Variants in SLC4A5 observed in about 807,000 individuals in gnomAD.
SLC4A5 encodes electrogenic sodium bicarbonate cotransporter 4.
SLC4A5 carries 96 observed loss-of-function variants against 120.4 expected under a neutral mutation model. The observed-to-expected ratio is 0.80, with a 90% CI of 0.68 to 0.94. The LOEUF (loss-of-function observed/expected upper bound fraction) is 0.94. Ranked by LOEUF, SLC4A5 falls within the 40% of genes least tolerant of loss-of-function variation. SLC4A5 has a pLI of 0.00. For missense variants in SLC4A5, 1,259 were observed against 1,459.5 expected (o/e 0.86, Z 2.24); for synonymous variants, 550 against 571.1 (o/e 0.96, Z 0.53).
chr2:74,305,191 T>C (rs1389483902), intron 6 of SLC4A5, among the ~76,000 whole-genome samples: 1 of 152,160 alleles, frequency 6.6e-6, no homozygotes, highest in African/African-American at 2.4e-5. Flanking sequence ...GAACTAAAGT[T>C]ACCAAGAGCC....
intron 8 of SLC4A5, among the ~76,000 whole-genome samples, chr2:74,277,413 G>T (rs1181698756): frequency 6.6e-6 from 1 of 152,196 alleles, no homozygotes; most frequent in Non-Finnish European, 1.5e-5. Context: ...GTCAGGCATG[G>T]TGGTGGGCGC....
chr2:74,261,407 G>T (rs1671131132), intron 11 of SLC4A5, among the ~76,000 whole-genome samples: 1 of 152,242 alleles, frequency 6.6e-6, no homozygotes, highest in South Asian at 2.1e-4. Context: ...AAGGCCACAG[G>T]CAGGGGCTGC....
In SLC4A5 at chr2:74,264,282, G is replaced by A; in HGVS notation, c.580C>T (p.Gln194Ter). Residue 194 changes from glutamine (Q) to a stop codon, truncating the protein, a stop_gained, in exon 10 of 31, where the codon CAG becomes TAG. Transcript: ENST00000394019. LOFTEE classifies it high-confidence loss of function. ...GGCCGCAGGAGACCATCCTCAATCT[G>A]CTTCTCAATGACATCATCTGTGTGG... 6.2e-7 allele frequency: 1 copy of A among 1,613,984 alleles called. No individual in the cohort carries two copies. Among genetic ancestry groups the A allele is most frequent in the Non-Finnish European group, 8.5e-7 (1 of 1,179,904 alleles).
rs374124010 is a variant in SLC4A5, at chr2:74,220,707, A to G, written c.*33+727T>C. Among the ~76,000 whole-genome samples, 195 of 149,282 alleles carry G rather than the reference A, an allele frequency of 1.3e-3. 5 individuals are homozygous for G. Among genetic ancestry groups the G allele is most frequent in the East Asian group, 4.6e-3 (23 of 5,040 alleles). Reference sequence around the variant, plus strand: ...AATTTTTTGTATTTTTAGTAGAGACAGGGTTTCACCATGTTAGCCAGGATG... The same window carrying G: ...AATTTTTTGTATTTTTAGTAGAGACGGGGTTTCACCATGTTAGCCAGGATG... On this transcript the variant is annotated intron_variant, in intron 30 of 30. Transcript: ENST00000394019.
intron 3 of SLC4A5, among the ~76,000 whole-genome samples, chr2:74,336,857 C>T (rs1673502686): frequency 6.6e-6 from 1 of 152,226 alleles, no homozygotes; most frequent in Admixed American, 6.5e-5. Context: ...TCTCTCCCTT[C>T]CCTGCCTCAA....
intron 10 of SLC4A5, among the ~76,000 whole-genome samples, chr2:74,263,139 A>C (rs1474960035): frequency 6.6e-6 from 1 of 152,216 alleles, no homozygotes; most frequent in Non-Finnish European, 1.5e-5. Context: ...TCCTGGGTTC[A>C]AGCGATCCTC....
chr2:74,233,367 AG>A (rs1423024442), intron 23 of SLC4A5, 34 bp downstream of exon 23: 2 of 1,611,350 alleles, frequency 1.2e-6, no homozygotes, highest in African/African-American at 2.7e-5. Flanking sequence ...GTGGGAAGAA[AG>A]AGGTTATGCC....
intron 30 of SLC4A5, among the ~76,000 whole-genome samples, chr2:74,219,152 T>C (rs958160791): frequency 6.6e-6 from 1 of 151,262 alleles, no homozygotes; most frequent in Non-Finnish European, 1.5e-5. Flanking sequence ...GCCCCATCCA[T>C]TGCAGTGTTC....
intron 11 of SLC4A5, among the ~76,000 whole-genome samples, chr2:74,260,944 T>C (rs1671115211): frequency 6.6e-6 from 1 of 152,220 alleles, no homozygotes; most frequent in African/African-American, 2.4e-5. Flanking sequence ...TTTATTTTCA[T>C]AGCTCCAGCT....
intron 8 of SLC4A5, among the ~76,000 whole-genome samples, chr2:74,272,596 G>A (rs549710975): frequency 6.6e-6 from 1 of 152,196 alleles, no homozygotes; most frequent in African/African-American, 2.4e-5. Flanking sequence ...CCAAGCTTGG[G>A]TGTAGACCCC....
At chr2:74,276,911 G>A (rs908931688) in intron 8 of SLC4A5, among the ~76,000 whole-genome samples, 1 of 152,004 alleles carries the variant, frequency 6.6e-6, no homozygotes, top group Non-Finnish European at 1.5e-5. Flanking sequence ...CAAAGGCAGG[G>A]ACAAGCAGAA....
At chr2:74,249,654 G>C (rs1400250731) in intron 17 of SLC4A5, among the ~76,000 whole-genome samples, 1 of 152,200 alleles carries the variant, frequency 6.6e-6, no homozygotes, top group Admixed American at 6.5e-5. Context: ...CTGTGCTGGG[G>C]AAGGGCAGGG....
Position 74,255,635 on chromosome 2 carries a change from G to A in SLC4A5, c.1025+140C>T, listed in dbSNP as rs1670940161. 1 of 987,400 alleles carries A rather than the reference G, an allele frequency of 1.0e-6. No homozygotes were observed. Among genetic ancestry groups the A allele is most frequent in the East Asian group, 2.6e-5 (1 of 37,792 alleles). 61.2% of individuals were successfully genotyped at this position (987,400 alleles called of 1,614,324 possible). The stretch of plus-strand genomic sequence containing the variant: ...TAATAAACTCTAAAACTCTTCCCTA[G>A]TCAGAAGATTTCCCTTCCCAGCAGC... On this transcript the variant is annotated intron_variant, in intron 13 of 30. Transcript: ENST00000394019. The surrounding 1 kb of genome is among the most constrained non-coding windows in gnomAD (Gnocchi z 4.0).
At chr2:74,246,335 G>A (rs1044211910) in intron 19 of SLC4A5, among the ~76,000 whole-genome samples, 4 of 152,168 alleles carry the variant, frequency 2.6e-5, no homozygotes, top group Admixed American at 2.0e-4. Context: ...GGTGGTTAAC[G>A]CCCACCATTG....
At chr2:74,293,975 A>G (rs1208172021) in intron 7 of SLC4A5, among the ~76,000 whole-genome samples, 1 of 152,226 alleles carries the variant, frequency 6.6e-6, no homozygotes, top group Non-Finnish European at 1.5e-5. Context: ...AAAAAAAGGC[A>G]GGGCAGGCCT....
intron 8 of SLC4A5, among the ~76,000 whole-genome samples, chr2:74,269,614 T>C (rs559536152): frequency 6.6e-6 from 1 of 152,226 alleles, no homozygotes; most frequent in East Asian, 1.9e-4. Flanking sequence ...TTTATTGTTT[T>C]TTTTTTCTCA....
At chr2:74,249,499 GC>G (rs1670724086) in intron 17 of SLC4A5, among the ~76,000 whole-genome samples, 1 of 152,196 alleles carries the variant, frequency 6.6e-6, no homozygotes, top group Non-Finnish European at 1.5e-5. Context: ...GGGTAGGAAT[GC>G]TGAGAAAGAG....
intron 5 of SLC4A5, among the ~76,000 whole-genome samples, chr2:74,319,146 G>A (rs2104309833): frequency 6.6e-6 from 1 of 152,236 alleles, no homozygotes; most frequent in East Asian, 1.9e-4. Flanking sequence ...TCACTTATAA[G>A]TGGGAGCTAA....
chr2:74,340,944 G>A (rs1673609630), intron 2 of SLC4A5, among the ~76,000 whole-genome samples: 1 of 152,146 alleles, frequency 6.6e-6, no homozygotes, highest in Non-Finnish European at 1.5e-5. Context: ...ACCAAGGGTG[G>A]CTGGAACAAC....
Sources: allele counts gnomAD v4.1 joint callset (sites outside exome capture counted in the v4.1 genomes callset), GRCh38; gene constraint gnomAD v4.1.1; non-coding constraint Gnocchi (gnomAD v3.1); transcripts MANE v1.5; gene names NCBI Gene and HGNC (gene_info 2026-07-23, HGNC 2026-07-21).